Variants in LRPPRC observed in about 807,000 individuals in gnomAD.
The protein encoded by LRPPRC is leucine rich pentatricopeptide repeat containing.
A neutral mutation model predicts 180.3 loss-of-function variants in LRPPRC; 120 were observed. The observed-to-expected ratio is 0.67, with a 90% CI of 0.57 to 0.77. The LOEUF is 0.77. Among genes scored for constraint, LRPPRC ranks in the 30% least tolerant of loss-of-function variants. The pLI is 0.00. For missense variants in LRPPRC, 2,012 were observed against 1,657.2 expected (o/e 1.21, Z -3.72); for synonymous variants, 723 against 600.0 (o/e 1.21, Z -3.00).
At chr2:43,926,832 C>G (rs1671897087) in intron 25 of LRPPRC, among the ~76,000 whole-genome samples, 1 of 152,210 alleles carries the variant, frequency 6.6e-6, no homozygotes, top group Admixed American at 6.5e-5. Context: ...GCGAACTTCA[C>G]AGTGATAAAA....
intron 11 of LRPPRC, among the ~76,000 whole-genome samples, chr2:43,971,535 GAA>G (rs1228722217): frequency 2.8e-5 from 2 of 72,374 alleles, no homozygotes; most frequent in Non-Finnish European, 6.2e-5. Context: ...TTTTTTAAAA[GAA>G]AAAAAAAAGA....
chr2:43,888,817 T>C (rs1670368427), intron 37 of LRPPRC, among the ~76,000 whole-genome samples, 161 bp from the exon 38 acceptor site: 1 of 152,088 alleles, frequency 6.6e-6, no homozygotes, highest in Non-Finnish European at 1.5e-5. Context: ...TTTCATGAAA[T>C]CACAAGTTCA....
rs1171561996 is a variant in LRPPRC, at chr2:43,987,315, G to A, written c.150-4881C>T. 2.6e-5 allele frequency among the ~76,000 whole-genome samples: 4 copies of A among 151,968 alleles called. No homozygotes were observed. In the East Asian group the frequency reaches 5.8e-4, roughly 22 times the overall value. ...TTGAGACCATCCTGGCTAACAAGGC[G>A]AAACCCCGTCTCTAATAAGAATACA... is the stretch of plus-strand genomic sequence containing the variant. On this transcript the variant is annotated intron_variant, in intron 1 of 37. Transcript: ENST00000260665.
chr2:43,965,344 C>T (rs1257864448), intron 11 of LRPPRC, among the ~76,000 whole-genome samples: 2 of 152,102 alleles, frequency 1.3e-5, no homozygotes, highest in Non-Finnish European at 2.9e-5. Flanking sequence ...CAGGCATGAG[C>T]CACCACGCCC....
intron 25 of LRPPRC, 89 bp from the exon 26 acceptor site, chr2:43,926,050 A>G (rs1424484247): frequency 5.2e-6 from 4 of 764,344 alleles, no homozygotes; most frequent in Non-Finnish European, 9.4e-6. Flanking sequence ...TTTCTTATGA[A>G]TTTGCTGCCA....
rs967096722 is a variant in LRPPRC at position 43,905,172 on chromosome 2, A to T, written c.3364+520T>A. Reference sequence around the variant, plus strand: ...ATTGCTGTTGGTATTATGAACTATTAAAAAAGTATTAGATTAAGTTTTAAA... The same window carrying T: ...ATTGCTGTTGGTATTATGAACTATTTAAAAAGTATTAGATTAAGTTTTAAA... On this transcript the variant is annotated intron_variant, in intron 31 of 37. Coordinates refer to ENST00000260665, the MANE Select transcript of LRPPRC (RefSeq NM_133259.4). 3.3e-4 allele frequency among the ~76,000 whole-genome samples: 49 copies of T among 149,472 alleles called. 1 individual carries two copies. The highest frequency in any genetic ancestry group is 1.1e-3 in the African/African-American group (45 of 41,362).
chr2:43,974,746 C>A lies in LRPPRC; in HGVS notation c.877G>T (p.Val293Leu), dbSNP rs750743973. 6.2e-7 allele frequency: 1 copy of A among 1,613,570 alleles called. No homozygotes were observed. Among genetic ancestry groups the A allele is most frequent in the Non-Finnish European group, 8.5e-7 (1 of 1,179,636 alleles). The change falls in exon 8 of 38, where the codon GTG becomes TTG. Residue 293 changes from valine to leucine, a missense_variant. Physicochemically the swap from Val to Leu is conservative, Grantham distance 32. Coordinates refer to ENST00000260665, the MANE Select transcript of LRPPRC (RefSeq NM_133259.4). Reference sequence around the variant, plus strand: ...ATAAGGTGAAGCTCGGACTTCTCCACCTTCTCCAGAGTCTATAGAGAGTTC... The same window carrying A: ...ATAAGGTGAAGCTCGGACTTCTCCAACTTCTCCAGAGTCTATAGAGAGTTC... Reference protein sequence around the residue: ...IDHVKQTLEKVEKSELHLMDR... With the variant: ...IDHVKQTLEKLEKSELHLMDR...
At chr2:43,906,586 C>G (rs1671074720) in intron 30 of LRPPRC, among the ~76,000 whole-genome samples, 1 of 152,208 alleles carries the variant, frequency 6.6e-6, no homozygotes, top group Non-Finnish European at 1.5e-5. Context: ...CAGAGTTCAT[C>G]TCCGGATTAG....
At chr2:43,971,851 G>A (rs1673830078) in intron 11 of LRPPRC, among the ~76,000 whole-genome samples, 2 of 152,158 alleles carry the variant, frequency 1.3e-5, no homozygotes, top group African/African-American at 4.8e-5. Flanking sequence ...CTATCTTTCA[G>A]GACCTACTGC....
chr2:43,981,438 A>C (rs371000039), intron 2 of LRPPRC, among the ~76,000 whole-genome samples: 1 of 152,154 alleles, frequency 6.6e-6, no homozygotes, highest in East Asian at 1.9e-4. Context: ...AGGCGGGTGG[A>C]TCACGAGGTC....
chr2:43,963,507 CT>C (rs2103672362), intron 12 of LRPPRC, 80 bp downstream of exon 12: 2 of 934,510 alleles, frequency 2.1e-6, no homozygotes, highest in Non-Finnish European at 1.8e-6. Context: ...AGTTCAATGA[CT>C]TTTTTGTGTG....
At position 43,943,781 on chromosome 2, in the gene LRPPRC, T is replaced by C. The variant is rs1038657471; in HGVS notation, c.2410A>G (p.Thr804Ala). The C allele has an allele frequency of 3.1e-6, 5 of 1,613,458 alleles. No individual in the cohort carries two copies. In the African/African-American group the frequency reaches 6.7e-5, roughly 22 times the overall value. ...ATGGCTTCATGCAACTGTTTTACTG[T>C]TTCAATTTCACCTCTTAAAGCTGCG... ...NGAALRGEIE[T>A]VKQLHEAIVT... is the part of the protein sequence containing the mutation. The change falls in exon 23 of 38, where the codon ACA becomes GCA. Residue 804 changes from threonine (T) to alanine (A), a missense_variant. Transcript: ENST00000260665.
chr2:43,960,949 T>C (rs1474565203), intron 12 of LRPPRC, among the ~76,000 whole-genome samples: 1 of 152,174 alleles, frequency 6.6e-6, no homozygotes, highest in Non-Finnish European at 1.5e-5. Flanking sequence ...ATCTAAAATA[T>C]TTTGGGGCAT....
chr2:43,934,174 G>A lies in LRPPRC; in HGVS notation c.2736+16C>T, dbSNP rs1279610871. ...TAAATAGCTCTACAATTAGAACACTGTAGTTAAAATCACACCTCAATGATC... is the reference window on the plus strand; with the variant it reads ...TAAATAGCTCTACAATTAGAACACTATAGTTAAAATCACACCTCAATGATC... On this transcript the variant is annotated intron_variant, in intron 25 of 37. Coordinates refer to ENST00000260665, the MANE Select transcript of LRPPRC (RefSeq NM_133259.4). The A allele has an allele frequency of 2.9e-6, 4 of 1,395,048 alleles. No individual in the cohort carries two copies. Among genetic ancestry groups the A allele is most frequent in the Non-Finnish European group, 3.1e-6 (3 of 981,276 alleles). 86.4% of individuals were successfully genotyped at this position (1,395,048 alleles called of 1,614,324 possible). A position where few individuals can be genotyped will look rare whatever the true frequency, so the allele number is the denominator to read the frequency against.
At chr2:43,995,395 G>A (rs886308515) in intron 1 of LRPPRC, among the ~76,000 whole-genome samples, 3 of 152,164 alleles carry the variant, frequency 2.0e-5, no homozygotes, top group Non-Finnish European at 2.9e-5. Context: ...ATATCTAAAT[G>A]CTAGGTGGTT....
At chr2:43,942,894 A>G (rs1672536002) in intron 23 of LRPPRC, among the ~76,000 whole-genome samples, 1 of 152,094 alleles carries the variant, frequency 6.6e-6, no homozygotes, top group South Asian at 2.1e-4. Context: ...ATTTTATTTT[A>G]TTTTAATTAT....
At chr2:43,982,704 C>T (rs766162944) in intron 1 of LRPPRC, among the ~76,000 whole-genome samples, 1 of 152,158 alleles carries the variant, frequency 6.6e-6, no homozygotes, top group Admixed American at 6.5e-5. Context: ...ATTTCAAAAT[C>T]AGATGGAAAT....
rs1246328999 is a variant in LRPPRC, at chr2:43,894,562, G to C, written c.3968C>G (p.Ser1323Cys). 1.3e-6 allele frequency: 2 copies of C among 1,522,070 alleles called. No individual in the cohort carries two copies. 94.3% of individuals were successfully genotyped at this position (1,522,070 alleles called of 1,614,324 possible). Residue 1323 changes from serine (S) to cysteine (C), a missense_variant, in exon 36 of 38, where the codon TCC (serine) becomes TGC (cysteine). Coordinates refer to ENST00000260665, the MANE Select transcript of LRPPRC (RefSeq NM_133259.4). The stretch of plus-strand genomic sequence containing the variant: ...TATATTACCATAGCTTTTCATGAGG[G>C]AATTGTATGCTTCTTCCTTTTCATT... ...ELNEKEEAYN[S>C]LMKSYVSEKD...
intron 11 of LRPPRC, among the ~76,000 whole-genome samples, chr2:43,967,474 T>TA (rs1156664551): frequency 6.6e-6 from 1 of 152,200 alleles, no homozygotes; most frequent in Non-Finnish European, 1.5e-5. Context: ...GAAGAATAAA[T>TA]AAATAACCTA....
Sources: allele counts gnomAD v4.1 joint callset (sites outside exome capture counted in the v4.1 genomes callset), GRCh38; gene constraint gnomAD v4.1.1; transcripts MANE v1.5; gene names NCBI Gene and HGNC (gene_info 2026-07-23, HGNC 2026-07-21).